MAMDC2: variants seen among roughly 807,000 people sequenced by gnomAD.
MAMDC2 encodes the protein MAM domain-containing protein 2.
MAMDC2 carries 57 observed loss-of-function variants against 89.8 expected under a neutral mutation model. That is an observed-to-expected ratio of 0.63 (90% CI 0.51 to 0.79). MAMDC2 has a LOEUF of 0.79. Ranked by LOEUF, MAMDC2 falls within the 30% of genes least tolerant of loss-of-function variation. The pLI is 0.00. For synonymous variants in MAMDC2, 313 were observed against 293.4 expected, an observed-to-expected ratio of 1.07 and a Z score of -0.68; for missense variants, 800 against 820.6, an observed-to-expected ratio of 0.97 and a Z score of 0.31.
chr9:70,140,084 A>T (rs2031156266), intron 7 of MAMDC2, 61 bp from the exon 8 acceptor site: 1 of 1,471,370 alleles, frequency 6.8e-7, no homozygotes, highest in Admixed American at 2.8e-5. Flanking sequence ...TCTGTCAACC[A>T]GTTGATGTAG....
chr9:70,186,180 A>T (rs1331479202), intron 11 of MAMDC2, among the ~76,000 whole-genome samples: 1 of 152,056 alleles, frequency 6.6e-6, no homozygotes, highest in Admixed American at 6.5e-5. Flanking sequence ...TTCTATATTT[A>T]TTCACATATT....
At chr9:70,115,041 G>A (rs887705939) in intron 5 of MAMDC2, among the ~76,000 whole-genome samples, 2 of 152,196 alleles carry the variant, frequency 1.3e-5, no homozygotes, top group Non-Finnish European at 2.9e-5. Context: ...TGAGAAAGCA[G>A]TGCAGGGGCA....
At chr9:70,052,201 G>A (rs551360926) in intron 2 of MAMDC2, among the ~76,000 whole-genome samples, 1 of 152,260 alleles carries the variant, frequency 6.6e-6, no homozygotes, top group East Asian at 1.9e-4. Context: ...TAAGAAAGAA[G>A]AAATGCCCTC....
In MAMDC2 at chr9:70,140,268, G is replaced by C; in HGVS notation, c.1118G>C (p.Gly373Ala). 6.2e-7 allele frequency: 1 copy of C among 1,601,968 alleles called. No homozygotes were observed. The highest frequency in any genetic ancestry group is 8.5e-7 in the Non-Finnish European group (1 of 1,175,510). The change falls in exon 8 of 14, where the codon GGA becomes GCA. Residue 373 changes from glycine to alanine, a missense_variant. Transcript: ENST00000377182. ...GTAAAACCAAACATGTATCGGGCTG[G>C]AGACCACACTACAGGCTTAGGTAAA... is the stretch of plus-strand genomic sequence containing the variant. ...VKVKPNMYRA[G>A]DHTTGLGYYL...
rs779697236 is a variant in MAMDC2 at position 70,109,798 on chromosome 9, T to TG, written c.500dup (p.Cys167TrpfsTer3). On this transcript the variant is annotated frameshift_variant, in exon 4 of 14. Coordinates refer to ENST00000377182, the MANE Select transcript of MAMDC2 (RefSeq NM_153267.5). LOFTEE classifies it high-confidence loss of function. ...TGAAATCAAGATGACAACCGGCTAC[T>TG]GTATTGGTAAGTGGGCTTCATTTTC... 1.9e-6 allele frequency: 3 copies of TG among 1,613,146 alleles called. No individual in the cohort carries two copies. Among genetic ancestry groups the TG allele is most frequent in the Non-Finnish European group, 2.5e-6 (3 of 1,179,104 alleles).
chr9:70,072,931 GTTC>G (rs1011230695), intron 2 of MAMDC2, among the ~76,000 whole-genome samples: 15 of 152,262 alleles, frequency 9.9e-5, no homozygotes, highest in African/African-American at 3.4e-4. Context: ...CGCCTGCCAG[GTTC>G]AAGCGATTCT....
chr9:70,126,551 C>A, intron 6 of MAMDC2, 136 bp downstream of exon 6: 1 of 917,504 alleles, frequency 1.1e-6, no homozygotes, highest in Non-Finnish European at 1.6e-6. Context: ...TGTATTCTTT[C>A]TCATCCTCAG....
At chr9:70,156,954 G>A (rs1302302943) in intron 9 of MAMDC2, among the ~76,000 whole-genome samples, 2 of 152,158 alleles carry the variant, frequency 1.3e-5, no homozygotes, top group East Asian at 3.9e-4. Flanking sequence ...CGAACATAGT[G>A]TTTATGTCAG....
intron 12 of MAMDC2, among the ~76,000 whole-genome samples, chr9:70,221,374 TATATATAG>T (rs1452655589): frequency 1.5e-4 from 1 of 6,480 alleles, no homozygotes; most frequent in African/African-American, 4.1e-4. Flanking sequence ...TATATATATA[TATATATAG>T]AGAGAGAGAG....
chr9:70,215,735 T>A (rs566180035), intron 11 of MAMDC2, among the ~76,000 whole-genome samples: 29 of 152,346 alleles, frequency 1.9e-4, no homozygotes, highest in Non-Finnish European at 4.1e-4. Context: ...TGGGGCAGCG[T>A]CATTCCTTAT....
At chr9:70,103,908 G>A (rs1828264622) in intron 2 of MAMDC2, among the ~76,000 whole-genome samples, 1 of 151,830 alleles carries the variant, frequency 6.6e-6, no homozygotes, top group Non-Finnish European at 1.5e-5. Flanking sequence ...CTTGAGCCCA[G>A]GAGGTGGAGG....
chr9:70,080,786 C>G (rs1174312092), intron 2 of MAMDC2, among the ~76,000 whole-genome samples: 1 of 152,268 alleles, frequency 6.6e-6, no homozygotes, highest in African/African-American at 2.4e-5. Context: ...TCTAAATGGT[C>G]AGGAAGGTTT....
chr9:70,149,156 A>G (rs1398624512), intron 9 of MAMDC2, among the ~76,000 whole-genome samples: 4 of 147,244 alleles, frequency 2.7e-5, no homozygotes, highest in Non-Finnish European at 4.5e-5. Flanking sequence ...TGGAGGTTTC[A>G]GTGAGCCAAG....
intron 2 of MAMDC2, chr9:70,089,055 G>C (rs957731941): frequency 3.9e-5 from 6 of 152,128 alleles, no homozygotes; most frequent in African/African-American, 1.4e-4. Context: ...GAGAAACTAA[G>C]GCTTGGAGGA....
rs377594922 is a variant in MAMDC2 at position 70,225,882 on chromosome 9, C to T, written c.1996+48C>T. Reference sequence around the variant, plus strand: ...TAAGCTTGACTGAAAATGGACTTTGCGATACTGTCTCAAACTACAAGAATA... The same window carrying T: ...TAAGCTTGACTGAAAATGGACTTTGTGATACTGTCTCAAACTACAAGAATA... On this transcript the variant is annotated intron_variant, in intron 13 of 13. Coordinates refer to ENST00000377182, the MANE Select transcript of MAMDC2 (RefSeq NM_153267.5). 2.7e-5 allele frequency: 41 copies of T among 1,492,344 alleles called. No homozygotes were observed. In the African/African-American group the frequency reaches 3.7e-4, roughly 14 times the overall value. 92.4% of individuals were successfully genotyped at this position (1,492,344 alleles called of 1,614,324 possible). A position where few individuals can be genotyped will look rare whatever the true frequency, so the allele number is the denominator to read the frequency against.
intron 11 of MAMDC2, among the ~76,000 whole-genome samples, chr9:70,200,405 A>G (rs557678452): frequency 2.0e-5 from 3 of 147,326 alleles, no homozygotes; most frequent in Admixed American, 6.8e-5. Flanking sequence ...TGTTCCATTG[A>G]TCTATATCTC....
intron 6 of MAMDC2, among the ~76,000 whole-genome samples, chr9:70,128,303 CT>C (rs2030651804): frequency 6.6e-6 from 1 of 152,228 alleles, no homozygotes; most frequent in South Asian, 2.1e-4. Flanking sequence ...CATTCACTTT[CT>C]TTACCAGCTA....
chr9:70,206,674 C>A (rs1008823540), intron 11 of MAMDC2, among the ~76,000 whole-genome samples: 1 of 151,990 alleles, frequency 6.6e-6, no homozygotes, highest in African/African-American at 2.4e-5. Flanking sequence ...TACATGTGCA[C>A]AACGTACACA....
intron 8 of MAMDC2, among the ~76,000 whole-genome samples, chr9:70,143,166 T>C (rs1053416569): frequency 1.3e-5 from 2 of 152,184 alleles, no homozygotes; most frequent in Non-Finnish European, 2.9e-5. Flanking sequence ...AAGAATCTGC[T>C]CTGGGCCTTC....
Sources: allele counts gnomAD v4.1 joint callset (sites outside exome capture counted in the v4.1 genomes callset), GRCh38; gene constraint gnomAD v4.1.1; transcripts MANE v1.5; gene names NCBI Gene and HGNC (gene_info 2026-07-23, HGNC 2026-07-21).